The following ARMC8 variants were observed in gnomAD, a reference collection of about 807,000 sequenced individuals.
ARMC8 encodes armadillo repeat containing 8.
A neutral mutation model predicts 99.3 loss-of-function variants in ARMC8; 20 were observed. The observed-to-expected ratio is 0.20, with a 90% confidence interval of 0.14 to 0.29. ARMC8 has a LOEUF of 0.29. ARMC8 is among the 10% of genes least tolerant of loss of function. The pLI is 1.00. For missense variants in ARMC8, 569 were observed against 809.5 expected, an observed-to-expected ratio of 0.70 and a Z score of 3.60; for synonymous variants, 263 against 278.3, an observed-to-expected ratio of 0.95 and a Z score of 0.55.
chr3:138,295,193 C>T (rs2051362457), intron 21 of ARMC8, among the ~76,000 whole-genome samples: 1 of 152,182 alleles, frequency 6.6e-6, no homozygotes, highest in Admixed American at 6.5e-5. Flanking sequence ...GCCACAGCAC[C>T]CGGCCTACAT....
chr3:138,284,368 T>G, intron 18 of ARMC8, 63 bp from the exon 19 acceptor site: 247 of 1,314,332 alleles, frequency 1.9e-4, no homozygotes, highest in Non-Finnish European at 2.5e-4. Flanking sequence ...CCCAAGCTCT[T>G]GAGACAGCTT....
intron 2 of ARMC8, among the ~76,000 whole-genome samples, chr3:138,212,032 A>G (rs954206420): frequency 6.6e-6 from 1 of 152,214 alleles, no homozygotes; most frequent in Admixed American, 6.5e-5. Flanking sequence ...TGTGAGTGAT[A>G]ACATTCTAGT....
At chr3:138,245,850 C>T in intron 12 of ARMC8, 1 of 985,580 alleles carries the variant, frequency 1.0e-6, no homozygotes, top group Non-Finnish European at 1.2e-6. Context: ...TGACTTGGCT[C>T]CTTCCACAAA....
At chr3:138,216,976 A>G (rs942264823) in intron 2 of ARMC8, among the ~76,000 whole-genome samples, 1 of 152,222 alleles carries the variant, frequency 6.6e-6, no homozygotes, top group Non-Finnish European at 1.5e-5. Context: ...TTGTATTTAA[A>G]TATGTTTAGC....
Position 138,187,323 on chromosome 3 carries a change from C to G in ARMC8, c.-232C>G. The G allele has an allele frequency of 2.1e-6, 1 of 485,022 alleles. No homozygotes were observed. Among genetic ancestry groups the G allele is most frequent in the Non-Finnish European group, 3.7e-6 (1 of 271,346 alleles). The allele number at this position is 485,022 out of a possible 1,614,324, so 30.0% of individuals were successfully genotyped here. On this transcript the variant is annotated 5_prime_UTR_variant, in exon 1 of 22. Transcript: ENST00000469044. ...CCCGCTTCCACCTCTAACCCAGGCT[C>G]AGAGTAGCTGCTGTTTCTGAGAGAA...
chr3:138,212,862 T>C (rs1201070054), intron 2 of ARMC8, among the ~76,000 whole-genome samples: 1 of 152,162 alleles, frequency 6.6e-6, no homozygotes, highest in African/African-American at 2.4e-5. Context: ...AAATCCAAAA[T>C]ATTTAATTGA....
intron 12 of ARMC8, among the ~76,000 whole-genome samples, chr3:138,250,871 G>A (rs1349926672): frequency 6.6e-6 from 1 of 152,100 alleles, no homozygotes; most frequent in Non-Finnish European, 1.5e-5. Flanking sequence ...TGCTGGCTGG[G>A]CATGGTGGCT....
intron 18 of ARMC8, among the ~76,000 whole-genome samples, chr3:138,279,750 G>A (rs575954570): frequency 3.9e-4 from 60 of 152,250 alleles, no homozygotes; most frequent in African/African-American, 1.4e-3. Context: ...TCTGTTTCTT[G>A]TGTGAGCTTT....
intron 14 of ARMC8, among the ~76,000 whole-genome samples, chr3:138,266,124 C>T (rs1344859676): frequency 6.6e-6 from 1 of 152,190 alleles, no homozygotes; most frequent in Non-Finnish European, 1.5e-5. Flanking sequence ...TAACATTGAA[C>T]TTGACCCATT....
chr3:138,240,835 A>G (rs2108171576), intron 10 of ARMC8, among the ~76,000 whole-genome samples: 1 of 152,302 alleles, frequency 6.6e-6, no homozygotes, highest in African/African-American at 2.4e-5. Context: ...GCTTAGAAAT[A>G]GTAAATGTCG....
rs191888415 is a variant in ARMC8 at position 138,217,305 on chromosome 3, A to G, written c.123-4621A>G. 1.4e-3 allele frequency among the ~76,000 whole-genome samples: 216 copies of G among 152,260 alleles called. 1 individual carries two copies. Among genetic ancestry groups the G allele is most frequent in the African/African-American group, 4.9e-3 (204 of 41,570 alleles). On this transcript the variant is annotated intron_variant, in intron 2 of 21. Coordinates refer to ENST00000469044, the MANE Select transcript of ARMC8 (RefSeq NM_001363941.2). ...GATAATTTTGTTTTTAGGTGATATT[A>G]GGCTTTCAGTTAAAATGTATGCTAT...
At chr3:138,188,613 C>G (rs2043207129) in intron 1 of ARMC8, 1 of 1,526,824 alleles carries the variant, frequency 6.5e-7, no homozygotes, top group Admixed American at 1.7e-5. Flanking sequence ...TTGTGGAAGC[C>G]AGTCTGATAC....
chr3:138,220,216 A>C (rs971306234), intron 2 of ARMC8, among the ~76,000 whole-genome samples: 2 of 152,194 alleles, frequency 1.3e-5, no homozygotes, highest in Non-Finnish European at 2.9e-5. Context: ...AGGATGCGGG[A>C]GCTTAGAAAT....
chr3:138,282,276 A>G (rs2050003816), intron 18 of ARMC8, among the ~76,000 whole-genome samples: 1 of 152,214 alleles, frequency 6.6e-6, no homozygotes, highest in Non-Finnish European at 1.5e-5. Flanking sequence ...CAGAACTAGA[A>G]GGAATGTGGT....
At chr3:138,275,855 CTG>C (rs2049240779) in intron 18 of ARMC8, among the ~76,000 whole-genome samples, 2 of 152,028 alleles carry the variant, frequency 1.3e-5, no homozygotes, top group South Asian at 4.1e-4. Flanking sequence ...TTTTTTAAAA[CTG>C]TGTTTTGATG....
At chr3:138,218,148 A>G (rs1322016061) in intron 2 of ARMC8, among the ~76,000 whole-genome samples, 2 of 152,304 alleles carry the variant, frequency 1.3e-5, no homozygotes, top group African/African-American at 4.8e-5. Context: ...GAAATAGTCA[A>G]ATAACTAAAG....
rs1369134711 is a variant in ARMC8, at chr3:138,223,680, T to G, written c.382T>G (p.Cys128Gly). 6.2e-7 allele frequency: 1 copy of G among 1,614,242 alleles called. No homozygotes were observed. The highest frequency in any genetic ancestry group is 1.7e-5 in the Admixed American group (1 of 60,030). Residue 128 changes from cysteine (C) to glycine (G), a missense_variant, in exon 5 of 22, where the codon TGC becomes GGC. Cys to Gly is a radical substitution (Grantham distance 159, BLOSUM62 -3). Transcript: ENST00000469044. ...GAAGTTTATTGAAGCTTGCCTCCGA[T>G]GCCTGCGTACCATCTTCACCAGTCC... ...DLKFIEACLRCLRTIFTSPVT... is the reference protein window; with the variant it reads ...DLKFIEACLRGLRTIFTSPVT...
At chr3:138,209,055 C>T (rs183973293) in intron 1 of ARMC8, among the ~76,000 whole-genome samples, 101 of 152,320 alleles carry the variant, frequency 6.6e-4, no homozygotes, top group Non-Finnish European at 1.1e-3. Context: ...CTACATTAGT[C>T]TAAGGATTTC....
intron 12 of ARMC8, among the ~76,000 whole-genome samples, chr3:138,255,761 C>T (rs1053367198): frequency 6.6e-6 from 1 of 152,192 alleles, no homozygotes; most frequent in Non-Finnish European, 1.5e-5. Context: ...GAATAGATCC[C>T]TTGAGGTCAG....
Sources: allele counts gnomAD v4.1 joint callset (sites outside exome capture counted in the v4.1 genomes callset), GRCh38; gene constraint gnomAD v4.1.1; transcripts MANE v1.5; gene names NCBI Gene and HGNC (gene_info 2026-07-23, HGNC 2026-07-21).